Variants in ABCA13 observed in about 807,000 individuals in gnomAD.
ABCA13 encodes ATP-binding cassette sub-family A member 13.
ABCA13 carries 476 observed loss-of-function variants against 478.7 expected under a neutral mutation model. The observed-to-expected ratio is 0.99, with a 90% CI of 0.92 to 1.07. The LOEUF is 1.07. Ranked by LOEUF, ABCA13 falls within the 50% of genes least tolerant of loss-of-function variation. The pLI is 0.00. For synonymous variants in ABCA13, 2,252 were observed against 2,158.9 expected (o/e 1.04, Z -1.20); for missense variants, 6,060 against 5,910.6 (o/e 1.03, Z -0.83).
rs141067757 is a variant in ABCA13, at chr7:48,273,744, G to C, written c.4078G>C (p.Asp1360His). Residue 1360 changes from aspartate (D) to histidine (H), a missense_variant, in exon 17 of 62, where the codon GAT becomes CAT. Transcript: ENST00000435803. ...FQNVTECILEDGFLYVNTSQR... is the reference protein window; with the variant it reads ...FQNVTECILEHGFLYVNTSQR... Reference sequence around the variant, plus strand: ...AAATGTTACTGAGTGTATTTTAGAAGATGGCTTTTTATATGTAAATACCTC... The same window carrying C: ...AAATGTTACTGAGTGTATTTTAGAACATGGCTTTTTATATGTAAATACCTC... The C allele has an allele frequency of 3.7e-6, 6 of 1,610,404 alleles. No homozygotes were observed. The South Asian group carries it at 5.5e-5, about 15-fold the overall frequency.
At chr7:48,196,602 T>C (rs138602636) in intron 2 of ABCA13, among the ~76,000 whole-genome samples, 13,309 of 151,840 alleles carry the variant, frequency 0.088, 610 homozygotes, top group Middle Eastern at 0.12. Flanking sequence ...AAAATGCCCA[T>C]CCCCCTCCCT....
intron 48 of ABCA13, among the ~76,000 whole-genome samples, chr7:48,493,065 C>T (rs73107547): frequency 0.038 from 5,733 of 152,130 alleles, 130 homozygotes; most frequent in East Asian, 0.12. Context: ...CAACAGAAAA[C>T]AGACTAAGAC....
intron 26 of ABCA13, among the ~76,000 whole-genome samples, chr7:48,316,321 T>A (rs1802574487): frequency 6.6e-6 from 1 of 152,208 alleles, no homozygotes; most frequent in Non-Finnish European, 1.5e-5. Flanking sequence ...TAAAAAAAGC[T>A]CAGTTCCGGT....
chr7:48,383,334 C>T (rs1279486881), intron 35 of ABCA13, among the ~76,000 whole-genome samples: 11 of 152,052 alleles, frequency 7.2e-5, no homozygotes, highest in South Asian at 4.1e-4. Flanking sequence ...CATGTGTACT[C>T]GTGTGTGAAT....
intron 40 of ABCA13, 25 bp from the exon 41 acceptor site, chr7:48,412,328 C>CT (rs762560745): frequency 1.3e-6 from 2 of 1,572,194 alleles, no homozygotes; most frequent in South Asian, 1.2e-5. Context: ...TTACTGGCTT[C>CT]TTTTTTCCTT....
intron 39 of ABCA13, among the ~76,000 whole-genome samples, chr7:48,409,108 A>T (rs1408876432): frequency 1.3e-5 from 2 of 152,232 alleles, no homozygotes; most frequent in Non-Finnish European, 2.9e-5. Context: ...TTACTTGAGT[A>T]GAGTTAAAGA....
chr7:48,209,694 T>C (rs1048414915), intron 3 of ABCA13, among the ~76,000 whole-genome samples: 1 of 152,220 alleles, frequency 6.6e-6, no homozygotes, highest in African/African-American at 2.4e-5. Context: ...ATTGCAATAA[T>C]CAATATTAAT....
intron 51 of ABCA13, among the ~76,000 whole-genome samples, chr7:48,513,752 A>G (rs911645855): frequency 2.0e-5 from 3 of 152,218 alleles, no homozygotes; most frequent in African/African-American, 4.8e-5. Context: ...AAAAATAAAT[A>G]TAAGCCAATT....
intron 15 of ABCA13, among the ~76,000 whole-genome samples, chr7:48,260,150 G>A (rs1237138199): frequency 6.6e-6 from 1 of 151,994 alleles, no homozygotes; most frequent in African/African-American, 2.4e-5. Flanking sequence ...CATTTGCTGG[G>A]GAACTAGAGC....
At position 48,272,235 on chromosome 7, in the gene ABCA13, T is replaced by C. The variant is rs1409978128; in HGVS notation, c.2569T>C (p.Leu857=). ...RAKLENFFTL[L]NFSVPENEIL... ...TAAATTGGAAAACTTCTTTACACTT[T>C]TAAATTTTTCTGTTCCAGAAAATGA... The change falls in exon 17 of 62, where the codon TTA becomes CTA. Residue 857 remains leucine (L), a synonymous_variant. Coordinates refer to ENST00000435803, the MANE Select transcript of ABCA13 (RefSeq NM_152701.5). The C allele has an allele frequency of 1.9e-6, 3 of 1,612,102 alleles. No homozygotes were observed. The highest frequency in any genetic ancestry group is 2.5e-6 in the Non-Finnish European group (3 of 1,179,396).
rs376555065 is a variant in ABCA13, at chr7:48,389,038, A to G, written c.11474-2A>G. 6.2e-7 allele frequency: 1 copy of G among 1,612,900 alleles called. No individual in the cohort carries two copies. Among genetic ancestry groups the G allele is most frequent in the Non-Finnish European group, 8.5e-7 (1 of 1,179,488 alleles). ...CACAATGAATTTTCATCTCTCTCAC[A>G]GGGTCATCACTGCAAAACAGGGAAG... On this transcript the variant is annotated splice_acceptor_variant, in intron 36 of 61. Transcript: ENST00000435803. LOFTEE classifies it high-confidence loss of function.
At chr7:48,223,030 A>C (rs1378980847) in intron 5 of ABCA13, among the ~76,000 whole-genome samples, 2 of 152,080 alleles carry the variant, frequency 1.3e-5, no homozygotes, top group Non-Finnish European at 2.9e-5. Context: ...TATATTTTGG[A>C]GGTAAAATCA....
chr7:48,368,789 A>ACC (rs779775244), intron 32 of ABCA13, among the ~76,000 whole-genome samples: 45 of 150,140 alleles, frequency 3.0e-4, no homozygotes, highest in Non-Finnish European at 4.9e-4. Flanking sequence ...ACACACACAC[A>ACC]CACACACAGA....
intron 26 of ABCA13, 80 bp downstream of exon 26, chr7:48,314,489 C>A (rs1470211630): frequency 2.3e-6 from 3 of 1,289,124 alleles, no homozygotes; most frequent in Non-Finnish European, 3.2e-6. Context: ...AGTAAGTATT[C>A]TGTCTGTGTA....
chr7:48,491,967 T>G (rs1291344139), intron 48 of ABCA13, among the ~76,000 whole-genome samples: 10 of 152,194 alleles, frequency 6.6e-5, no homozygotes. Flanking sequence ...CTATAACAAG[T>G]GAATGAACGG....
chr7:48,224,984 T>C (rs1293631386), intron 5 of ABCA13, among the ~76,000 whole-genome samples: 1 of 152,060 alleles, frequency 6.6e-6, no homozygotes, highest in African/African-American at 2.4e-5. Flanking sequence ...TTCTTTATTA[T>C]TATTATTATT....
chr7:48,275,224 G>A lies in ABCA13; in HGVS notation c.5558G>A (p.Gly1853Asp), dbSNP rs375133198. 11 of 1,613,712 alleles carry A rather than the reference G, an allele frequency of 6.8e-6. No homozygotes were observed. The highest frequency in any genetic ancestry group is 6.7e-5 in the African/African-American group (5 of 74,884). The part of the protein sequence containing the change: ...VHGLMSSSFY[G>D]KVASILDHFH... ...GGGCTCATGTCTTCTTCCTTTTATGGCAAAGTGGCCAGTATACTTGATCAT... is the reference window on the plus strand; with the variant it reads ...GGGCTCATGTCTTCTTCCTTTTATGACAAAGTGGCCAGTATACTTGATCAT... The change falls in exon 17 of 62, where the codon GGC (glycine) becomes GAC (aspartate). Residue 1853 changes from glycine to aspartate, a missense_variant. This residue lies in a region of ABCA13 where 4,423 missense variants were observed against 4,309.1 expected (regional missense o/e 1.03). Coordinates refer to ENST00000435803, the MANE Select transcript of ABCA13 (RefSeq NM_152701.5).
At chr7:48,298,657 G>A (rs1472697860) in intron 23 of ABCA13, among the ~76,000 whole-genome samples, 170 bp downstream of exon 23, 1 of 152,198 alleles carries the variant, frequency 6.6e-6, no homozygotes, top group Non-Finnish European at 1.5e-5. Flanking sequence ...AAGAGAACAA[G>A]CAAGGAACCA....
intron 19 of ABCA13, among the ~76,000 whole-genome samples, chr7:48,283,670 G>C (rs1164735646): frequency 5.3e-5 from 8 of 152,190 alleles, no homozygotes; most frequent in African/African-American, 1.9e-4. Flanking sequence ...CTTCAGACTA[G>C]TGTGCTGGGA....
Sources: gnomAD v4.1 joint callset for allele counts (sites outside exome capture counted in the v4.1 genomes callset) on GRCh38, gnomAD v4.1.1 for gene constraint, gnomAD v4.1.1 regional missense constraint, MANE v1.5 for transcripts, NCBI Gene and HGNC (gene_info 2026-07-23, HGNC 2026-07-21) for gene names.